GRM7: variants seen among roughly 807,000 people sequenced by gnomAD.
GRM7 encodes the protein metabotropic glutamate receptor 7.
In GRM7, 35 loss-of-function variants were observed where a neutral mutation model predicts 84.5. The ratio of observed to expected loss-of-function variants is 0.41; its 90% CI spans 0.32 to 0.55. The LOEUF (loss-of-function observed/expected upper bound fraction) is 0.55, where lower values mean the gene tolerates loss of function less well. Ranked by LOEUF, GRM7 falls within the 20% of genes least tolerant of loss-of-function variation. The pLI, the probability that GRM7 is intolerant of heterozygous loss-of-function variation, is 0.19. For missense variants in GRM7, 1,003 were observed against 1,194.6 expected (o/e 0.84, Z 2.36); for synonymous variants, 487 against 455.1 (o/e 1.07, Z -0.89).
chr3:7,566,948 A>G (rs1694310389), intron 7 of GRM7, among the ~76,000 whole-genome samples: 1 of 152,216 alleles, frequency 6.6e-6, no homozygotes, highest in South Asian at 2.1e-4. Flanking sequence ...AATTTAAGAT[A>G]AGAACCTCCC....
intron 1 of GRM7, among the ~76,000 whole-genome samples, chr3:7,073,295 C>A (rs1046470585): frequency 6.6e-5 from 10 of 151,850 alleles, no homozygotes; most frequent in Non-Finnish European, 1.2e-4. Flanking sequence ...CCTCTTTGTG[C>A]CACACCTGTT....
chr3:6,915,501 T>A (rs955409037), intron 1 of GRM7, among the ~76,000 whole-genome samples: 3 of 152,230 alleles, frequency 2.0e-5, no homozygotes, highest in African/African-American at 2.4e-5. Flanking sequence ...AAGCACATTC[T>A]CAACGTTCAT....
chr3:7,158,313 TTTAG>T (rs1307729385), intron 2 of GRM7, among the ~76,000 whole-genome samples: 1 of 152,084 alleles, frequency 6.6e-6, no homozygotes, highest in Non-Finnish European at 1.5e-5. Flanking sequence ...TGTTTGGCCA[TTTAG>T]TTATTTTCCT....
intron 1 of GRM7, among the ~76,000 whole-genome samples, chr3:7,046,520 C>A (rs1696813144): frequency 6.6e-6 from 1 of 152,040 alleles, no homozygotes; most frequent in Admixed American, 6.6e-5. Context: ...TGTTTCTTAT[C>A]TTTTTGAGAA....
At chr3:7,657,074 AG>A (rs1699236477) in intron 8 of GRM7, among the ~76,000 whole-genome samples, 1 of 152,186 alleles carries the variant, frequency 6.6e-6, no homozygotes, top group Admixed American at 6.5e-5. Context: ...GAGAATGGCA[AG>A]TTTGTGCCTA....
chr3:7,384,068 G>T (rs1694692700), intron 4 of GRM7, among the ~76,000 whole-genome samples: 1 of 152,070 alleles, frequency 6.6e-6, no homozygotes, highest in Admixed American at 6.6e-5. Flanking sequence ...CCACTCTCTT[G>T]GCCAGGCTGG....
chr3:6,969,463 T>G (rs1693652841), intron 1 of GRM7, among the ~76,000 whole-genome samples: 1 of 152,204 alleles, frequency 6.6e-6, no homozygotes, highest in African/African-American at 2.4e-5. Context: ...AGTGAATCAG[T>G]AAATAGATTT....
chr3:7,355,083 G>A (rs1224429639), intron 4 of GRM7, among the ~76,000 whole-genome samples: 10 of 152,124 alleles, frequency 6.6e-5, no homozygotes, highest in Non-Finnish European at 1.5e-4. Flanking sequence ...TTGCTTATGA[G>A]AAGGTGGTAA....
intron 2 of GRM7, among the ~76,000 whole-genome samples, chr3:7,212,575 G>T (rs531401894): frequency 3.0e-4 from 46 of 152,256 alleles, no homozygotes; most frequent in Non-Finnish European, 4.3e-4. Context: ...TGGAAAACCT[G>T]GTCTCTCGGG....
At chr3:7,010,682 A>T (rs6800764) in intron 1 of GRM7, among the ~76,000 whole-genome samples, 28,350 of 152,098 alleles carry the variant, frequency 0.19, 2,729 homozygotes, top group East Asian at 0.29. Flanking sequence ...GAAACCTAAA[A>T]ATCAGGAGCT....
intron 4 of GRM7, among the ~76,000 whole-genome samples, chr3:7,349,353 G>A (rs756011878): frequency 2.6e-5 from 4 of 152,086 alleles, no homozygotes; most frequent in Non-Finnish European, 4.4e-5. Context: ...AGCATAAAGT[G>A]GCCCAGCTGA....
At chr3:7,392,464 GC>G (rs139698417) in intron 4 of GRM7, among the ~76,000 whole-genome samples, 2,415 of 152,278 alleles carry the variant, frequency 0.016, 59 homozygotes, top group African/African-American at 0.053. Flanking sequence ...GCCTGCTGTG[GC>G]CACTGCTGCC....
At chr3:7,657,275 A>G (rs1699246988) in intron 8 of GRM7, among the ~76,000 whole-genome samples, 1 of 152,214 alleles carries the variant, frequency 6.6e-6, no homozygotes, top group Admixed American at 6.5e-5. Flanking sequence ...TTGGGGAAAA[A>G]TAAAAAGATA....
intron 1 of GRM7, among the ~76,000 whole-genome samples, chr3:7,069,294 G>C (rs1697781050): frequency 6.6e-6 from 1 of 152,104 alleles, no homozygotes; most frequent in African/African-American, 2.4e-5. Context: ...GAGTAGTGCA[G>C]TTGTGGGAGA....
chr3:7,118,472 A>G (rs1463911392), intron 1 of GRM7, among the ~76,000 whole-genome samples: 1 of 150,276 alleles, frequency 6.7e-6, no homozygotes, highest in East Asian at 1.9e-4. Flanking sequence ...GAGAAAGAAT[A>G]AAATTTAATC....
At chr3:7,465,563 C>T (rs1698428936) in intron 7 of GRM7, among the ~76,000 whole-genome samples, 2 of 152,136 alleles carry the variant, frequency 1.3e-5, no homozygotes, top group Admixed American at 6.5e-5. Flanking sequence ...GTTCCTTTTG[C>T]TGTAATTATT....
At chr3:7,156,224 G>C (rs541162949) in intron 2 of GRM7, among the ~76,000 whole-genome samples, 121 of 152,272 alleles carry the variant, frequency 7.9e-4, no homozygotes, top group Non-Finnish European at 1.2e-3. Flanking sequence ...TGCTAAGTAT[G>C]GGGGGAAAGC....
At chr3:6,968,794 A>G (rs1693626696) in intron 1 of GRM7, among the ~76,000 whole-genome samples, 1 of 152,188 alleles carries the variant, frequency 6.6e-6, no homozygotes, top group South Asian at 2.1e-4. Context: ...GGCATCATGA[A>G]AAGTGTCTGA....
intron 5 of GRM7, among the ~76,000 whole-genome samples, chr3:7,440,903 A>C (rs1156555386): frequency 6.6e-6 from 1 of 152,192 alleles, no homozygotes; most frequent in African/African-American, 2.4e-5. Context: ...CCATTGATGG[A>C]AATACAAGTC....
Sources: gnomAD v4.1 joint callset for allele counts (sites outside exome capture counted in the v4.1 genomes callset) on GRCh38, gnomAD v4.1.1 for gene constraint, MANE v1.5 for transcripts, NCBI Gene and HGNC (gene_info 2026-07-23, HGNC 2026-07-21) for gene names.